Variants in SUGCT observed in about 807,000 individuals in gnomAD.
SUGCT encodes the protein succinyl-CoA:glutarate-CoA transferase, also known as succinyl-CoA:glutarate CoA-transferase.
A neutral mutation model predicts 55.0 loss-of-function variants in SUGCT; 41 were observed. The ratio of observed to expected loss-of-function variants is 0.74; its 90% CI spans 0.58 to 0.97. The LOEUF (loss-of-function observed/expected upper bound fraction) is 0.97. Among genes scored for constraint, SUGCT ranks in the 50% least tolerant of loss-of-function variants. SUGCT has a pLI of 0.00. For missense variants in SUGCT, 568 were observed against 547.8 expected, an observed-to-expected ratio of 1.04 and a Z score of -0.37; for synonymous variants, 187 against 200.4, an observed-to-expected ratio of 0.93 and a Z score of 0.56.
chr7:40,402,001 A>G (rs979584299), intron 9 of SUGCT, among the ~76,000 whole-genome samples: 1 of 152,168 alleles, frequency 6.6e-6, no homozygotes, highest in East Asian at 1.9e-4. Flanking sequence ...CAAACATTCC[A>G]GATTGTTTCA....
chr7:40,288,246 G>A (rs1413874140), intron 8 of SUGCT, among the ~76,000 whole-genome samples: 2 of 151,772 alleles, frequency 1.3e-5, no homozygotes, highest in African/African-American at 4.8e-5. Context: ...TGAAGAATTA[G>A]TACTAATTTT....
At chr7:40,950,828 G>A in the SUGCT span, among the ~76,000 whole-genome samples, 4 of 152,164 alleles carry the variant, frequency 2.6e-5, no homozygotes, top group Non-Finnish European at 4.4e-5. Context: ...TGGTGGATAA[G>A]CTTTTTGATG....
chr7:41,006,840 G>A, the SUGCT span, among the ~76,000 whole-genome samples: 1 of 152,072 alleles, frequency 6.6e-6, no homozygotes, highest in Non-Finnish European at 1.5e-5. Context: ...GCATCATTTG[G>A]CAGTCATTGC....
intron 12 of SUGCT, among the ~76,000 whole-genome samples, chr7:40,531,794 C>T (rs1475299919): frequency 6.6e-6 from 1 of 151,838 alleles, no homozygotes; most frequent in Middle Eastern, 3.2e-3. Context: ...CTGGCTCAGC[C>T]TCCCGAGTAG....
At chr7:40,697,066 GCACA>G (rs536411136) in intron 12 of SUGCT, among the ~76,000 whole-genome samples, 1 of 151,690 alleles carries the variant, frequency 6.6e-6, no homozygotes, top group African/African-American at 2.4e-5. Flanking sequence ...GATAGCAATT[GCACA>G]CACACACACT....
intron 9 of SUGCT, among the ~76,000 whole-genome samples, chr7:40,317,463 T>C (rs890497631): frequency 6.6e-6 from 1 of 152,224 alleles, no homozygotes; most frequent in African/African-American, 2.4e-5. Context: ...TCCAGTTGCT[T>C]GGTCCAGTTG....
chr7:40,377,199 T>TCTCTC (rs1784621398), intron 9 of SUGCT, among the ~76,000 whole-genome samples: 1 of 8,512 alleles, frequency 1.2e-4, no homozygotes, highest in African/African-American at 2.2e-4. Context: ...TCTTTCTTTC[T>TCTCTC]TTTCTTTTCT....
intron 12 of SUGCT, among the ~76,000 whole-genome samples, chr7:40,573,651 G>A (rs1186688995): frequency 2.0e-5 from 3 of 152,206 alleles, no homozygotes; most frequent in Non-Finnish European, 4.4e-5. Context: ...TAATAGATAT[G>A]TAGAAGTAGA....
chr7:40,153,638 G>A, intron 1 of SUGCT: 1 of 523,348 alleles, frequency 1.9e-6, no homozygotes, highest in Non-Finnish European at 3.9e-6. Context: ...TCGATCCAAT[G>A]TGTGGAACAG....
chr7:40,812,029 T>A (rs1424091847), intron 13 of SUGCT, among the ~76,000 whole-genome samples: 1 of 152,158 alleles, frequency 6.6e-6, no homozygotes, highest in Admixed American at 6.5e-5. Context: ...GGTTTTTGGT[T>A]TTGATTTTAT....
intron 10 of SUGCT, among the ~76,000 whole-genome samples, chr7:40,449,888 A>G (rs1583707179): frequency 6.6e-6 from 1 of 152,308 alleles, no homozygotes. Flanking sequence ...AGATTATATT[A>G]AATTGTTCCT....
intron 12 of SUGCT, among the ~76,000 whole-genome samples, chr7:40,578,521 A>G (rs1296510525): frequency 1.3e-5 from 2 of 151,720 alleles, no homozygotes; most frequent in Admixed American, 6.6e-5. Context: ...TCATTGGAAG[A>G]GTTTGGTACT....
At chr7:40,330,917 T>A in intron 9 of SUGCT, among the ~76,000 whole-genome samples, 1 of 152,218 alleles carries the variant, frequency 6.6e-6, no homozygotes, top group Non-Finnish European at 1.5e-5. Context: ...GAATTAATTT[T>A]GAAGCATTTT....
chr7:40,285,232 A>AG (rs1793244637), intron 8 of SUGCT, among the ~76,000 whole-genome samples: 1 of 152,166 alleles, frequency 6.6e-6, no homozygotes, highest in African/African-American at 2.4e-5. Flanking sequence ...ATAGAAATGG[A>AG]AAGATCTATT....
chr7:40,367,700 T>G (rs1784071645), intron 9 of SUGCT, among the ~76,000 whole-genome samples: 1 of 152,110 alleles, frequency 6.6e-6, no homozygotes, highest in Non-Finnish European at 1.5e-5. Flanking sequence ...CTATCAAATC[T>G]CTCTTCTTAT....
At chr7:40,330,016 TCA>T (rs1796226777) in intron 9 of SUGCT, among the ~76,000 whole-genome samples, 1 of 152,152 alleles carries the variant, frequency 6.6e-6, no homozygotes, top group Non-Finnish European at 1.5e-5. Context: ...TTATATAACC[TCA>T]GCAGAGAATA....
At chr7:40,202,043 G>T (rs1786638131) in intron 6 of SUGCT, among the ~76,000 whole-genome samples, 1 of 151,900 alleles carries the variant, frequency 6.6e-6, no homozygotes, top group Non-Finnish European at 1.5e-5. Context: ...GTGCGATCTC[G>T]GCTCACTGCA....
At chr7:40,664,233 T>G (rs1027107329) in intron 12 of SUGCT, among the ~76,000 whole-genome samples, 4 of 152,214 alleles carry the variant, frequency 2.6e-5, no homozygotes, top group Non-Finnish European at 5.9e-5. Flanking sequence ...GGCAAACCAA[T>G]GTAACACTGC....
intron 9 of SUGCT, among the ~76,000 whole-genome samples, chr7:40,362,807 GA>G (rs1346331281): frequency 6.6e-6 from 1 of 151,878 alleles, no homozygotes; most frequent in Non-Finnish European, 1.5e-5. Flanking sequence ...TCTAATTTTG[GA>G]AAAAAATGTA....
Sources: gnomAD v4.1 joint callset for allele counts (sites outside exome capture counted in the v4.1 genomes callset) on GRCh38, gnomAD v4.1.1 for gene constraint, MANE v1.5 for transcripts, NCBI Gene and HGNC (gene_info 2026-07-23, HGNC 2026-07-21) for gene names.